Variants in DLG2 observed in about 807,000 individuals in gnomAD.
The protein encoded by DLG2 is discs large MAGUK scaffold protein 2, also known as disks large homolog 2.
A neutral mutation model predicts 132.5 loss-of-function variants in DLG2; 45 were observed. The ratio of observed to expected loss-of-function variants is 0.34; its 90% CI spans 0.27 to 0.44. The LOEUF (loss-of-function observed/expected upper bound fraction) is 0.44. Ranked by LOEUF, DLG2 falls within the 20% of genes least tolerant of loss-of-function variation. The pLI, the probability that DLG2 is intolerant of heterozygous loss-of-function variation, is 1.00. For synonymous variants in DLG2, 424 were observed against 419.6 expected, an observed-to-expected ratio of 1.01 and a Z score of -0.13; for missense variants, 1,045 against 1,196.9, an observed-to-expected ratio of 0.87 and a Z score of 1.87.
intron 7 of DLG2, among the ~76,000 whole-genome samples, chr11:84,475,588 T>C (rs1415221476): frequency 2.0e-5 from 3 of 152,106 alleles, no homozygotes; most frequent in African/African-American, 7.2e-5. Flanking sequence ...GCAACCTAGT[T>C]GTTAACATGT....
rs2097374225 is a variant in DLG2, at chr11:84,251,636, TCTTTC to T, written c.520-350_520-346del. ...GGTAAGAGTTAAAACTTGTATCTTTTCTTTCTTTTTTTTTTTTTTTTGTGAGACAA... is the reference window on the plus strand; with the variant it reads ...GGTAAGAGTTAAAACTTGTATCTTTTTTTTTTTTTTTTTTTTGTGAGACAA... On this transcript the variant is annotated intron_variant, in intron 7 of 27. Coordinates refer to ENST00000376104, the MANE Select transcript of DLG2 (RefSeq NM_001142699.3). 7.3e-5 allele frequency among the ~76,000 whole-genome samples: 4 copies of T among 54,756 alleles called. No individual in the cohort carries two copies. In the Admixed American group the frequency reaches 8.7e-4, roughly 12 times the overall value. 35.9% of individuals were successfully genotyped at this position (54,756 alleles called of 152,430 possible). A position where few individuals can be genotyped will look rare whatever the true frequency, so the allele number is the denominator to read the frequency against.
chr11:84,183,960 T>C (rs1164878162), intron 8 of DLG2, among the ~76,000 whole-genome samples: 1 of 152,114 alleles, frequency 6.6e-6, no homozygotes, highest in Non-Finnish European at 1.5e-5. Context: ...CACATTTTCT[T>C]AATCCAGTCT....
intron 6 of DLG2, among the ~76,000 whole-genome samples, chr11:84,664,269 CCTT>C (rs2099697723): frequency 6.6e-6 from 1 of 152,058 alleles, no homozygotes; most frequent in Non-Finnish European, 1.5e-5. Context: ...TAAGCCTCCT[CCTT>C]GGCTCTCAAA....
intron 18 of DLG2, among the ~76,000 whole-genome samples, chr11:83,766,476 C>A (rs1002753892): frequency 2.0e-5 from 3 of 150,890 alleles, no homozygotes; most frequent in African/African-American, 7.3e-5. Flanking sequence ...CATGGCAATG[C>A]AGATTCCACT....
At chr11:85,491,539 T>C (rs1034465299) in intron 3 of DLG2, among the ~76,000 whole-genome samples, 1 of 152,060 alleles carries the variant, frequency 6.6e-6, no homozygotes, top group African/African-American at 2.4e-5. Flanking sequence ...AAAAAAACTA[T>C]TCTAATTAAA....
chr11:85,276,262 C>T (rs988479508), intron 4 of DLG2, among the ~76,000 whole-genome samples: 3 of 152,094 alleles, frequency 2.0e-5, no homozygotes, highest in African/African-American at 7.2e-5. Context: ...TGTGGCACTT[C>T]CTCTATCTTT....
At chr11:85,402,358 T>C (rs1247688018) in intron 3 of DLG2, among the ~76,000 whole-genome samples, 1 of 152,162 alleles carries the variant, frequency 6.6e-6, no homozygotes, top group Non-Finnish European at 1.5e-5. Context: ...GTTTAAAAAC[T>C]TAAATGTAAG....
chr11:84,823,944 T>C (rs2078023267), intron 6 of DLG2, among the ~76,000 whole-genome samples: 1 of 151,898 alleles, frequency 6.6e-6, no homozygotes, highest in African/African-American at 2.4e-5. Flanking sequence ...AAAATATTGA[T>C]TGAGTGATTA....
chr11:84,012,003 G>C (rs1159681276), intron 11 of DLG2, among the ~76,000 whole-genome samples: 1 of 152,098 alleles, frequency 6.6e-6, no homozygotes, highest in Non-Finnish European at 1.5e-5. Flanking sequence ...TAGTTTGCTA[G>C]ATGAAGATTG....
chr11:84,223,968 T>G (rs1458807599), intron 8 of DLG2, among the ~76,000 whole-genome samples: 1 of 152,240 alleles, frequency 6.6e-6, no homozygotes, highest in African/African-American at 2.4e-5. Flanking sequence ...CCTACTTTAA[T>G]GGAGGCCTGC....
rs547596058 is a variant in DLG2, at chr11:84,321,625, A to G, written c.520-70334T>C. 5.3e-5 allele frequency among the ~76,000 whole-genome samples: 8 copies of G among 152,292 alleles called. No individual in the cohort carries two copies. In the South Asian group the frequency reaches 8.3e-4, roughly 16 times the overall value. ...TCTTTTCCCCACTTCATACTTTCACATAATTAATTCCTACTCACCCTTCTG... is the reference window on the plus strand; with the variant it reads ...TCTTTTCCCCACTTCATACTTTCACGTAATTAATTCCTACTCACCCTTCTG... On this transcript the variant is annotated intron_variant, in intron 7 of 27. Transcript: ENST00000376104.
chr11:84,865,924 C>T (rs904004175), intron 6 of DLG2, among the ~76,000 whole-genome samples: 4 of 152,172 alleles, frequency 2.6e-5, no homozygotes, highest in African/African-American at 9.7e-5. Flanking sequence ...GTATCCTTTG[C>T]CAACCCCCTA....
At chr11:84,979,485 G>A (rs950168243) in intron 6 of DLG2, among the ~76,000 whole-genome samples, 3 of 152,050 alleles carry the variant, frequency 2.0e-5, no homozygotes, top group Non-Finnish European at 4.4e-5. Context: ...CCATAAAAAA[G>A]GATGAGTTCA....
chr11:84,323,902 G>C (rs1241622033), intron 7 of DLG2, among the ~76,000 whole-genome samples: 1 of 151,708 alleles, frequency 6.6e-6, no homozygotes, highest in Non-Finnish European at 1.5e-5. Flanking sequence ...TTTTTAATCA[G>C]ATTATTTGTT....
intron 7 of DLG2, among the ~76,000 whole-genome samples, chr11:84,445,054 C>G (rs1330758743): frequency 1.3e-5 from 2 of 152,064 alleles, no homozygotes; most frequent in African/African-American, 4.8e-5. Context: ...CCAGGTAATC[C>G]GCCTGCCTCG....
intron 3 of DLG2, among the ~76,000 whole-genome samples, chr11:85,387,149 A>G (rs554670878): frequency 3.9e-4 from 60 of 152,244 alleles, no homozygotes; most frequent in African/African-American, 1.4e-3. Flanking sequence ...CAGACTCCCA[A>G]AGTGCTGGGA....
At chr11:83,817,022 A>C (rs2049176472) in intron 17 of DLG2, among the ~76,000 whole-genome samples, 2 of 152,118 alleles carry the variant, frequency 1.3e-5, no homozygotes, top group Admixed American at 1.3e-4. Flanking sequence ...CTAGATCTTT[A>C]CTCAGAATCT....
At chr11:83,600,788 T>A (rs1364226934) in intron 19 of DLG2, among the ~76,000 whole-genome samples, 1 of 152,244 alleles carries the variant, frequency 6.6e-6, no homozygotes, top group Non-Finnish European at 1.5e-5. Flanking sequence ...ATTAGTTTAG[T>A]CTTGTCAAAC....
chr11:83,470,314 C>A (rs1012562970), intron 24 of DLG2, among the ~76,000 whole-genome samples: 17 of 151,802 alleles, frequency 1.1e-4, no homozygotes, highest in Admixed American at 4.6e-4. Context: ...AGAAAAAATG[C>A]ATGCATAGAA....
Sources: gnomAD v4.1 joint callset for allele counts (sites outside exome capture counted in the v4.1 genomes callset) on GRCh38, gnomAD v4.1.1 for gene constraint, MANE v1.5 for transcripts, NCBI Gene and HGNC (gene_info 2026-07-23, HGNC 2026-07-21) for gene names.